The following MAP4 variants were observed in gnomAD, a reference collection of about 807,000 sequenced individuals.
The protein encoded by MAP4 is microtubule associated protein 4, also known as microtubule-associated protein 4.
Under a neutral mutation model 170.2 loss-of-function variants are expected in MAP4, and 76 were observed. The observed-to-expected ratio is 0.45, with a 90% CI of 0.37 to 0.54. The LOEUF is 0.54. Ranked by LOEUF, MAP4 falls within the 20% of genes least tolerant of loss-of-function variation. The probability of loss-of-function intolerance (pLI) is 0.00; values close to 1 mark genes in which losing one functional copy is unlikely to be tolerated. For synonymous variants in MAP4, 909 were observed against 994.5 expected (o/e 0.91, Z 1.62); for missense variants, 2,506 against 2,748.0 (o/e 0.91, Z 1.97).
At chr3:47,854,154 T>G (rs1239760964) in intron 19 of MAP4, among the ~76,000 whole-genome samples, 1 of 152,168 alleles carries the variant, frequency 6.6e-6, no homozygotes, top group Non-Finnish European at 1.5e-5. Flanking sequence ...GGATATAATG[T>G]GAACAAGGAA....
chr3:47,921,383 C>T (rs536512230), intron 5 of MAP4, among the ~76,000 whole-genome samples: 1 of 152,262 alleles, frequency 6.6e-6, no homozygotes, highest in Admixed American at 6.5e-5. Flanking sequence ...AAGCTGAAGG[C>T]TATTATTAGC....
At chr3:47,907,140 A>G (rs1278704235) in intron 9 of MAP4, among the ~76,000 whole-genome samples, 1 of 152,170 alleles carries the variant, frequency 6.6e-6, no homozygotes, top group Non-Finnish European at 1.5e-5. Flanking sequence ...TGGCTTCTTT[A>G]TACTGAGTCT....
At chr3:47,986,615 C>T (rs1445604519) in intron 2 of MAP4, among the ~76,000 whole-genome samples, 1 of 152,160 alleles carries the variant, frequency 6.6e-6, no homozygotes, top group African/African-American at 2.4e-5. Flanking sequence ...GCTGAGATTA[C>T]AGGCTTGAGC....
intron 17 of MAP4, among the ~76,000 whole-genome samples, chr3:47,863,860 G>A (rs1010067593): frequency 3.3e-5 from 5 of 150,634 alleles, no homozygotes; most frequent in African/African-American, 9.8e-5. Context: ...CTAGGATCCT[G>A]TTTGGAGCCT....
intron 2 of MAP4, among the ~76,000 whole-genome samples, chr3:47,990,927 G>C (rs1439004228): frequency 6.6e-6 from 1 of 152,094 alleles, no homozygotes; most frequent in Admixed American, 6.6e-5. Context: ...CAAGGTGATA[G>C]GCATTTTAGA....
chr3:47,976,970 C>G (rs2100082536), intron 3 of MAP4, among the ~76,000 whole-genome samples: 1 of 152,180 alleles, frequency 6.6e-6, no homozygotes. Context: ...AGAAGGGCTT[C>G]TCATAGCTGA....
At chr3:48,002,989 A>AT (rs1299219132) in intron 1 of MAP4, among the ~76,000 whole-genome samples, 84 of 151,304 alleles carry the variant, frequency 5.6e-4, no homozygotes, top group African/African-American at 2.0e-3. Flanking sequence ...AAATAAATAA[A>AT]TAAATTTAAT....
chr3:48,081,267 G>A (rs548706686), intron 1 of MAP4, among the ~76,000 whole-genome samples: 72 of 151,934 alleles, frequency 4.7e-4, no homozygotes, highest in African/African-American at 1.7e-3. Flanking sequence ...TCCAGCCTGG[G>A]AAACAGCGAG....
chr3:47,963,294 T>C (rs1381369000), intron 3 of MAP4, among the ~76,000 whole-genome samples: 1 of 152,232 alleles, frequency 6.6e-6, no homozygotes, highest in Non-Finnish European at 1.5e-5. Flanking sequence ...ATGTGGACAT[T>C]AATCATCATT....
intron 3 of MAP4, chr3:47,972,954 T>C (rs1043568765): frequency 4.6e-6 from 4 of 867,912 alleles, no homozygotes; most frequent in African/African-American, 1.8e-5. Flanking sequence ...TAAAAGTCCA[T>C]ACAATTAATC....
At chr3:47,866,639 G>A (rs61648540) in intron 17 of MAP4, among the ~76,000 whole-genome samples, 6,817 of 148,570 alleles carry the variant, frequency 0.046, 515 homozygotes, top group African/African-American at 0.16. Flanking sequence ...CTGCAGTCCC[G>A]GCTACTCGGG....
intron 1 of MAP4, among the ~76,000 whole-genome samples, chr3:48,084,556 T>A (rs570404675): frequency 2.6e-5 from 4 of 151,646 alleles, no homozygotes; most frequent in Non-Finnish European, 4.4e-5. Context: ...CCTATATGTA[T>A]CAGTGTGCTT....
intron 10 of MAP4, among the ~76,000 whole-genome samples, chr3:47,889,338 T>C (rs1459327684): frequency 6.6e-6 from 1 of 152,230 alleles, no homozygotes; most frequent in African/African-American, 2.4e-5. Context: ...TCCCTCCGCA[T>C]TATTTGGCAT....
At chr3:47,952,031 G>T (rs1246941062) in intron 3 of MAP4, among the ~76,000 whole-genome samples, 1 of 150,002 alleles carries the variant, frequency 6.7e-6, no homozygotes, top group East Asian at 2.0e-4. Flanking sequence ...GAGCGCCTCT[G>T]CCCGGCCGCG....
chr3:47,885,902 G>C (rs949860781), intron 10 of MAP4, among the ~76,000 whole-genome samples: 1 of 152,020 alleles, frequency 6.6e-6, no homozygotes, highest in Admixed American at 6.6e-5. Context: ...CTAATTCTTT[G>C]CATTTTTAGT....
chr3:48,071,593 T>C (rs2100141050), intron 1 of MAP4, among the ~76,000 whole-genome samples: 1 of 152,072 alleles, frequency 6.6e-6, no homozygotes, highest in South Asian at 2.1e-4. Flanking sequence ...GAATTAACAA[T>C]GAACATAGCC....
At chr3:47,890,971 T>C in intron 10 of MAP4, 1 of 1,384,930 alleles carries the variant, frequency 7.2e-7, no homozygotes, top group Middle Eastern at 1.8e-4. Context: ...GTCACTTTGG[T>C]TCCTTCCTTG....
intron 10 of MAP4, among the ~76,000 whole-genome samples, chr3:47,886,279 C>T (rs71328954): frequency 2.3e-3 from 357 of 152,268 alleles, no homozygotes; most frequent in Non-Finnish European, 3.6e-3. Flanking sequence ...TCCCTTGTCT[C>T]ATGGATATAT....
At chr3:47,872,660 T>C (rs2093801614) in intron 12 of MAP4, among the ~76,000 whole-genome samples, 1 of 152,134 alleles carries the variant, frequency 6.6e-6, no homozygotes, top group Non-Finnish European at 1.5e-5. Context: ...ACTACTTCAA[T>C]CCAACTTGAG....
Sources: gnomAD v4.1 joint callset for allele counts (sites outside exome capture counted in the v4.1 genomes callset) on GRCh38, gnomAD v4.1.1 for gene constraint, MANE v1.5 for transcripts, NCBI Gene and HGNC (gene_info 2026-07-23, HGNC 2026-07-21) for gene names.